Variants in STAG1 observed in about 807,000 individuals in gnomAD.
STAG1 encodes STAG1 cohesin complex component, also known as cohesin subunit SA-1.
A neutral mutation model predicts 170.9 loss-of-function variants in STAG1; 26 were observed. That is an observed-to-expected ratio of 0.15 (90% CI 0.11 to 0.21). The LOEUF (loss-of-function observed/expected upper bound fraction) is 0.21. Among genes scored for constraint, STAG1 ranks in the 10% least tolerant of loss-of-function variants. The pLI is 1.00. For synonymous variants in STAG1, 514 were observed against 497.7 expected (o/e 1.03, Z -0.44); for missense variants, 964 against 1,509.5 (o/e 0.64, Z 5.99).
chr3:136,369,053 T>A, intron 24 of STAG1, 55 bp downstream of exon 24: 1 of 1,368,196 alleles, frequency 7.3e-7, no homozygotes, highest in East Asian at 2.7e-5. Context: ...TTTTCTCCTA[T>A]CTTTTGGGGT....
intron 24 of STAG1, 26 bp downstream of exon 24, chr3:136,369,082 A>G (rs756454108): frequency 6.9e-7 from 1 of 1,453,472 alleles, no homozygotes; most frequent in Non-Finnish European, 9.1e-7. Flanking sequence ...AAAAATCAAT[A>G]TTGACAAGAT....
intron 25 of STAG1, among the ~76,000 whole-genome samples, chr3:136,366,628 C>G (rs1213473548): frequency 6.6e-6 from 1 of 152,108 alleles, no homozygotes; most frequent in Non-Finnish European, 1.5e-5. Flanking sequence ...ACTGAGTATT[C>G]CCTCCCATCT....
intron 5 of STAG1, among the ~76,000 whole-genome samples, chr3:136,563,661 A>AC (rs1011903257): frequency 1.3e-5 from 2 of 149,248 alleles, no homozygotes; most frequent in South Asian, 2.1e-4. Context: ...AAAAAAAAAA[A>AC]AACAACAACA....
intron 23 of STAG1, among the ~76,000 whole-genome samples, chr3:136,376,702 A>T (rs1001673976): frequency 6.6e-6 from 1 of 152,196 alleles, no homozygotes. Flanking sequence ...TGAGAAACTT[A>T]ACTGGTGTGG....
At chr3:136,746,662 T>G (rs1934948603) in intron 1 of STAG1, among the ~76,000 whole-genome samples, 1 of 152,200 alleles carries the variant, frequency 6.6e-6, no homozygotes, top group Admixed American at 6.5e-5. Context: ...ATAACTATTC[T>G]CTTCATAAGA....
intron 23 of STAG1, among the ~76,000 whole-genome samples, chr3:136,374,235 G>T (rs1324383234): frequency 1.3e-5 from 2 of 151,948 alleles, no homozygotes; most frequent in Non-Finnish European, 2.9e-5. Context: ...CTATGTGTGT[G>T]CCTGCATGTG....
intron 15 of STAG1, among the ~76,000 whole-genome samples, chr3:136,434,226 A>G (rs1414804674): frequency 6.6e-6 from 1 of 152,158 alleles, no homozygotes; most frequent in Non-Finnish European, 1.5e-5. Flanking sequence ...TAAATTCTCC[A>G]AAGAAGAAAT....
chr3:136,357,544 G>A (rs998181903), intron 28 of STAG1, among the ~76,000 whole-genome samples, 176 bp downstream of exon 28: 4 of 152,102 alleles, frequency 2.6e-5, no homozygotes, highest in Non-Finnish European at 5.9e-5. Context: ...TAAAAGATAA[G>A]CAGTGAAATA....
intron 1 of STAG1, among the ~76,000 whole-genome samples, chr3:136,709,614 T>C (rs140668483): frequency 0.011 from 1,670 of 147,716 alleles, 28 homozygotes; most frequent in East Asian, 0.05. Flanking sequence ...ATACACCCGT[T>C]GTCCCGGCTA....
At position 136,523,862 on chromosome 3, in the gene STAG1, C is replaced by T. The variant is rs1025828793; in HGVS notation, c.472-2445G>A. On this transcript the variant is annotated intron_variant, in intron 6 of 33. Coordinates refer to ENST00000383202, the MANE Select transcript of STAG1 (RefSeq NM_005862.3). ...TTCATTAAATAGGGAATCCTTTCCCCATTGCTTGTTTTTCTCAGGTTTGTC... is the reference window on the plus strand; with the variant it reads ...TTCATTAAATAGGGAATCCTTTCCCTATTGCTTGTTTTTCTCAGGTTTGTC... Among the ~76,000 whole-genome samples, 3 of 152,162 alleles carry T rather than the reference C, an allele frequency of 2.0e-5. No homozygotes were observed. The East Asian group carries it at 5.8e-4, about 29-fold the overall frequency.
intron 5 of STAG1, among the ~76,000 whole-genome samples, chr3:136,547,137 GCTTT>G (rs1347626613): frequency 2.6e-5 from 4 of 152,092 alleles, no homozygotes; most frequent in African/African-American, 7.2e-5. Flanking sequence ...TAAAAAATAT[GCTTT>G]CTATTTTAGA....
intron 26 of STAG1, among the ~76,000 whole-genome samples, chr3:136,359,892 T>C (rs1190577797): frequency 1.3e-5 from 2 of 152,256 alleles, no homozygotes; most frequent in African/African-American, 2.4e-5. Flanking sequence ...CTTTTTGTTA[T>C]TGTTTTTACA....
chr3:136,709,250 AC>A (rs1943317658), intron 1 of STAG1, among the ~76,000 whole-genome samples: 1 of 151,844 alleles, frequency 6.6e-6, no homozygotes, highest in Admixed American at 6.6e-5. Flanking sequence ...AGATCATGCC[AC>A]TGCACTCCAG....
At chr3:136,613,606 G>A (rs1013379450) in intron 3 of STAG1, among the ~76,000 whole-genome samples, 9 of 152,038 alleles carry the variant, frequency 5.9e-5, no homozygotes, top group Non-Finnish European at 8.8e-5. Flanking sequence ...TGTGCCTCAG[G>A]CTCCCAAGGA....
At chr3:136,410,675 T>C (rs2087600583) in intron 21 of STAG1, among the ~76,000 whole-genome samples, 1 of 152,176 alleles carries the variant, frequency 6.6e-6, no homozygotes, top group East Asian at 1.9e-4. Flanking sequence ...AAGACTTAAA[T>C]GTAAAAGACT....
At chr3:136,379,259 G>A (rs1937802825) in intron 22 of STAG1, among the ~76,000 whole-genome samples, 1 of 152,166 alleles carries the variant, frequency 6.6e-6, no homozygotes, top group Non-Finnish European at 1.5e-5. Context: ...TGCTATGGTA[G>A]GAGAAAACAT....
intron 1 of STAG1, among the ~76,000 whole-genome samples, chr3:136,751,884 C>CCGGG (rs1279018657): frequency 1.3e-5 from 2 of 150,848 alleles, no homozygotes; most frequent in South Asian, 2.1e-4. Context: ...GCCGTAGTGC[C>CCGGG]CGGGCGGGCG....
At chr3:136,352,983 G>A (rs1936492284) in intron 28 of STAG1, among the ~76,000 whole-genome samples, 1 of 152,068 alleles carries the variant, frequency 6.6e-6, no homozygotes, top group Admixed American at 6.6e-5. Flanking sequence ...TTAAAAGTGG[G>A]TATGATGACA....
intron 1 of STAG1, among the ~76,000 whole-genome samples, chr3:136,639,271 G>A (rs1358259550): frequency 6.6e-6 from 1 of 151,656 alleles, no homozygotes. Context: ...GGAGGTCAAG[G>A]ATGCAGTGAG....
Sources: gnomAD v4.1 joint callset for allele counts (sites outside exome capture counted in the v4.1 genomes callset) on GRCh38, gnomAD v4.1.1 for gene constraint, MANE v1.5 for transcripts, NCBI Gene and HGNC (gene_info 2026-07-23, HGNC 2026-07-21) for gene names.